Variants in AFF2 observed in about 807,000 individuals in gnomAD.
AFF2 encodes AF4/FMR2 family member 2.
Under a neutral mutation model 76.9 loss-of-function variants are expected in AFF2, and 14 were observed. That is an observed-to-expected ratio of 0.18 (90% CI 0.12 to 0.28). AFF2 has a LOEUF of 0.28. AFF2 is among the 10% of genes least tolerant of loss of function. The pLI is 1.00. For synonymous variants in AFF2, 398 were observed against 366.7 expected (o/e 1.09, Z -0.98); for missense variants, 868 against 1,001.1 (o/e 0.87, Z 1.79).
chrX:148,525,480 A>T (rs1452375018), intron 1 of AFF2, among the ~76,000 whole-genome samples: 1 of 111,923 alleles, frequency 8.9e-6, no homozygotes, highest in Non-Finnish European at 1.9e-5. Context: ...TGGTCCCATT[A>T]GTCAGATATT....
At chrX:148,732,619 A>G (rs1370566224) in intron 3 of AFF2, among the ~76,000 whole-genome samples, 1 of 107,211 alleles carries the variant, frequency 9.3e-6, no homozygotes, top group African/African-American at 3.4e-5. Context: ...ATGAAAAAAA[A>G]AAAAAACTAC....
At chrX:148,963,983 G>A (rs1344711743) in intron 13 of AFF2, among the ~76,000 whole-genome samples, 2 of 112,339 alleles carry the variant, frequency 1.8e-5, no homozygotes, top group African/African-American at 3.2e-5. Context: ...GATCTAGGTG[G>A]TAATAATTAT....
chrX:148,624,151 C>T (rs2124422270), intron 1 of AFF2, among the ~76,000 whole-genome samples: 1 of 111,729 alleles, frequency 9.0e-6, no homozygotes, highest in Admixed American at 9.5e-5. Context: ...AATAATGCAT[C>T]TTCTCACAGT....
intron 3 of AFF2, among the ~76,000 whole-genome samples, chrX:148,688,616 AG>A (rs1431094886): frequency 7.2e-5 from 8 of 111,468 alleles, no homozygotes; most frequent in African/African-American, 2.6e-4. Flanking sequence ...GCACTTAAGT[AG>A]GGGCCTAATA....
At chrX:148,794,141 C>T (rs2069936898) in intron 3 of AFF2, among the ~76,000 whole-genome samples, 1 of 111,529 alleles carries the variant, frequency 9.0e-6, no homozygotes, top group Non-Finnish European at 1.9e-5. Context: ...TGTAAGTAAA[C>T]CAGAATTTCT....
intron 4 of AFF2, among the ~76,000 whole-genome samples, chrX:148,834,473 T>G (rs1161263594): frequency 9.1e-6 from 1 of 109,314 alleles, no homozygotes; most frequent in Non-Finnish European, 1.9e-5. Flanking sequence ...CATAAAGCAG[T>G]GCTTCCTTGT....
intron 1 of AFF2, among the ~76,000 whole-genome samples, chrX:148,645,338 A>G (rs1421545937): frequency 1.8e-5 from 2 of 112,366 alleles, no homozygotes; most frequent in Non-Finnish European, 3.8e-5. Flanking sequence ...CAGAGAAGAC[A>G]TAAAGTTAAT....
At chrX:148,634,891 G>T (rs899939293) in intron 1 of AFF2, among the ~76,000 whole-genome samples, 1 of 111,609 alleles carries the variant, frequency 9.0e-6, no homozygotes, top group Non-Finnish European at 1.9e-5. Flanking sequence ...CATGTGTGAG[G>T]TGGTTCTGAG....
At chrX:148,963,586 G>T (rs2072136578) in intron 13 of AFF2, among the ~76,000 whole-genome samples, 2 of 112,342 alleles carry the variant, frequency 1.8e-5, no homozygotes, top group African/African-American at 6.5e-5. Context: ...TTCCATTTAG[G>T]CATGAAGTCC....
intron 12 of AFF2, among the ~76,000 whole-genome samples, chrX:148,962,008 T>C (rs1379761585): frequency 1.8e-5 from 2 of 112,560 alleles, no homozygotes; most frequent in African/African-American, 3.2e-5. Flanking sequence ...ATAAATCAGT[T>C]TGAAAGCACG....
intron 1 of AFF2, among the ~76,000 whole-genome samples, chrX:148,549,159 C>G (rs1771465857): frequency 8.9e-6 from 1 of 112,036 alleles, no homozygotes; most frequent in African/African-American, 3.2e-5. Context: ...GCTATGTCAA[C>G]TATTTCCGCA....
intron 7 of AFF2, among the ~76,000 whole-genome samples, chrX:148,861,649 G>A (rs2070849146): frequency 9.0e-6 from 1 of 110,534 alleles, no homozygotes; most frequent in African/African-American, 3.3e-5. Context: ...GAATAATTTG[G>A]GCCTCTCCAA....
chrX:148,981,051 A>G (rs2072386144), intron 19 of AFF2, among the ~76,000 whole-genome samples: 1 of 112,203 alleles, frequency 8.9e-6, no homozygotes, highest in Non-Finnish European at 1.9e-5. Flanking sequence ...GCACCATGCC[A>G]TTTTAGGGAG....
chrX:148,586,591 G>A (rs2053471998), intron 1 of AFF2, among the ~76,000 whole-genome samples: 1 of 112,099 alleles, frequency 8.9e-6, no homozygotes, highest in Non-Finnish European at 1.9e-5. Flanking sequence ...TCTTTTCAGT[G>A]TAGTTTAAAT....
intron 1 of AFF2, among the ~76,000 whole-genome samples, chrX:148,572,389 CA>C (rs1569551431): frequency 8.9e-6 from 1 of 111,903 alleles, no homozygotes; most frequent in Non-Finnish European, 1.9e-5. Flanking sequence ...TCATGTGACC[CA>C]ACAATTACGC....
chrX:148,718,174 T>G (rs182608073), intron 3 of AFF2, among the ~76,000 whole-genome samples: 24 of 111,353 alleles, frequency 2.2e-4, no homozygotes, highest in East Asian at 8.6e-4. Context: ...TATGTGAGAA[T>G]AAATTAAATA....
chrX:148,885,781 C>G (rs2071151065), intron 7 of AFF2, 108 bp from the exon 8 acceptor site: 1 of 658,132 alleles, frequency 1.5e-6, no homozygotes, highest in Non-Finnish European at 2.5e-6. Context: ...GAAGGATTTG[C>G]AGCTGTCAGA....
At chrX:148,970,980 C>G (rs1243227525) in intron 15 of AFF2, among the ~76,000 whole-genome samples, 1 of 111,061 alleles carries the variant, frequency 9.0e-6, no homozygotes, top group South Asian at 3.9e-4. Context: ...CTAGTTGAGG[C>G]AATGATTTGG....
At chrX:148,530,581 G>A (rs144982794) in intron 1 of AFF2, among the ~76,000 whole-genome samples, 1,598 of 62,648 alleles carry the variant, frequency 0.026, 14 homozygotes, top group South Asian at 0.063. Flanking sequence ...GGCAATTCTT[G>A]TAAATTTGCT....
Sources: gnomAD v4.1 joint callset for allele counts (sites outside exome capture counted in the v4.1 genomes callset) on GRCh38, gnomAD v4.1.1 for gene constraint, MANE v1.5 for transcripts, NCBI Gene and HGNC (gene_info 2026-07-23, HGNC 2026-07-21) for gene names.